Variants in HDAC4 observed in about 807,000 individuals in gnomAD.
HDAC4 encodes histone deacetylase A.
A neutral mutation model predicts 135.1 loss-of-function variants in HDAC4; 16 were observed. The observed-to-expected ratio is 0.12, with a 90% confidence interval of 0.08 to 0.18. The LOEUF is 0.18. HDAC4 is among the 10% of genes least tolerant of loss of function. The pLI is 1.00. For synonymous variants in HDAC4, 685 were observed against 653.4 expected (o/e 1.05, Z -0.74); for missense variants, 1,143 against 1,511.8 (o/e 0.76, Z 4.05).
At chr2:239,082,019 C>T in intron 21 of HDAC4, 83 bp downstream of exon 21, 1 of 1,474,736 alleles carries the variant, frequency 6.8e-7, no homozygotes, top group Non-Finnish European at 9.4e-7. Context: ...TGCCGGGCAG[C>T]TGTGGACCGT....
intron 4 of HDAC4, among the ~76,000 whole-genome samples, chr2:239,182,946 C>T (rs897887904): frequency 1.3e-5 from 2 of 152,126 alleles, no homozygotes; most frequent in South Asian, 2.1e-4. Context: ...ATTCAGGCTT[C>T]GAAAAACAGG....
intron 17 of HDAC4, 100 bp downstream of exon 17, chr2:239,094,910 C>A: frequency 6.2e-7 from 1 of 1,606,038 alleles, no homozygotes; most frequent in South Asian, 1.1e-5. Context: ...AAACACCTGG[C>A]AGCAATTATT....
At chr2:239,149,533 T>C (rs893866879) in intron 7 of HDAC4, among the ~76,000 whole-genome samples, 27 of 152,090 alleles carry the variant, frequency 1.8e-4, no homozygotes, top group Middle Eastern at 3.4e-3. Flanking sequence ...GAAGAACAGG[T>C]GAACGCACTG....
chr2:239,144,773 T>C lies in HDAC4; in HGVS notation c.734-59A>G, dbSNP rs2041640156. 7.5e-6 allele frequency: 12 copies of C among 1,590,930 alleles called. No homozygotes were observed. In the South Asian group the frequency reaches 1.3e-4, roughly 18 times the overall value. ...AGACACCACTGGCTCAAGGTTATCC[T>C]GTTGGTGGTTTTTTAAAAATACGCA... On this transcript the variant is annotated intron_variant, in intron 7 of 26. Coordinates refer to ENST00000543185, the MANE Select transcript of HDAC4 (RefSeq NM_001378414.1).
intron 2 of HDAC4, among the ~76,000 whole-genome samples, chr2:239,326,990 G>A (rs1370693986): frequency 3.5e-4 from 53 of 152,244 alleles, no homozygotes; most frequent in Admixed American, 3.5e-3. Flanking sequence ...GTGCAGGCAT[G>A]AGAGGCACAG....
At chr2:239,353,298 A>G (rs1188249906) in intron 1 of HDAC4, among the ~76,000 whole-genome samples, 14 of 152,198 alleles carry the variant, frequency 9.2e-5, no homozygotes, top group Admixed American at 9.2e-4. Flanking sequence ...TACAGGCTTG[A>G]GCCACCACGC....
intron 11 of HDAC4, among the ~76,000 whole-genome samples, chr2:239,127,710 C>T (rs988696778): frequency 4.6e-5 from 7 of 152,226 alleles, no homozygotes; most frequent in South Asian, 2.1e-4. Context: ...CTTTGGAACT[C>T]GGCATCCGCC....
intron 2 of HDAC4, among the ~76,000 whole-genome samples, chr2:239,253,124 C>T (rs1010355332): frequency 7.9e-5 from 12 of 152,210 alleles, no homozygotes; most frequent in Non-Finnish European, 1.6e-4. Flanking sequence ...ATTAGAGTCT[C>T]GGGAACAAAT....
chr2:239,134,517 G>A lies in HDAC4; in HGVS notation c.1095+10C>T, dbSNP rs11896634. 1 of 1,613,512 alleles carries A rather than the reference G, an allele frequency of 6.2e-7. No individual in the cohort carries two copies. Among genetic ancestry groups the A allele is most frequent in the East Asian group, 2.2e-5 (1 of 44,862 alleles). ...CCCCACACCACACGGACCCACGGGG[G>A]CTGACTTACCGCAGAGGGGCCGGTG... On this transcript the variant is annotated intron_variant, in intron 10 of 26. Coordinates refer to ENST00000543185, the MANE Select transcript of HDAC4 (RefSeq NM_001378414.1).
Position 239,298,331 on chromosome 2 carries a change from A to G in HDAC4, c.22+54347T>C. On this transcript the variant is annotated intron_variant, in intron 2 of 26. Coordinates refer to ENST00000543185, the MANE Select transcript of HDAC4 (RefSeq NM_001378414.1). ...GGGAGCCCCTGGGCATCACGTGGAG[A>G]TGAGAGAAGATGCTTCCAGAACCTG... is the stretch of plus-strand genomic sequence containing the variant. 8 of 1,216,456 alleles carry G rather than the reference A, an allele frequency of 6.6e-6. No individual in the cohort carries two copies. The South Asian group carries it at 1.2e-4, about 18-fold the overall frequency. The allele number at this position is 1,216,456 out of a possible 1,614,324, so 75.4% of individuals were successfully genotyped here.
intron 2 of HDAC4, among the ~76,000 whole-genome samples, chr2:239,281,260 C>T (rs2050720341): frequency 6.9e-6 from 1 of 144,198 alleles, no homozygotes; most frequent in Admixed American, 6.8e-5. Context: ...AATGTACACA[C>T]CACTCTACAC....
intron 2 of HDAC4, among the ~76,000 whole-genome samples, chr2:239,346,521 C>T (rs1233454604): frequency 1.3e-5 from 2 of 151,308 alleles, no homozygotes; most frequent in African/African-American, 2.4e-5. Flanking sequence ...CACACCCTAA[C>T]ACATACCACA....
rs144978306 is a variant in HDAC4, at chr2:239,270,967, T to C, written c.23-34303A>G. On this transcript the variant is annotated intron_variant, in intron 2 of 26. Coordinates refer to ENST00000543185, the MANE Select transcript of HDAC4 (RefSeq NM_001378414.1). ...TGCATTAATATTAAATATATCCTAA[T>C]TAGTTACAAATCTCTGAAAATACTT... Among the ~76,000 whole-genome samples the C allele has an allele frequency of 2.2e-3, 330 of 152,310 alleles. 2 individuals are homozygous for C. Among genetic ancestry groups the C allele is most frequent in the African/African-American group, 7.8e-3 (323 of 41,558 alleles).
intron 2 of HDAC4, among the ~76,000 whole-genome samples, chr2:239,333,069 TC>T: frequency 6.6e-6 from 1 of 152,272 alleles, no homozygotes; most frequent in South Asian, 2.1e-4. Flanking sequence ...TTACAAATCT[TC>T]CCACAAAGAA....
chr2:239,065,745 G>A (rs2033390260), intron 24 of HDAC4, among the ~76,000 whole-genome samples: 1 of 152,176 alleles, frequency 6.6e-6, no homozygotes, highest in Non-Finnish European at 1.5e-5. Context: ...GTGGTCAAGT[G>A]ATCTGGACAC....
At chr2:239,201,668 T>C (rs486396) in intron 3 of HDAC4, among the ~76,000 whole-genome samples, 131,330 of 152,196 alleles carry the variant, frequency 0.86, 56,872 homozygotes, top group South Asian at 0.97. Context: ...ACCTCCCTTC[T>C]CAACAGCACC....
chr2:239,094,774 C>A (rs2036845664), intron 17 of HDAC4: 3 of 1,386,348 alleles, frequency 2.2e-6, no homozygotes, highest in Middle Eastern at 4.7e-4. Context: ...AGAGCCACTG[C>A]ACCCCAGAGC....
At position 239,227,523 on chromosome 2, in the gene HDAC4, G is replaced by A. The variant is rs976991244; in HGVS notation, c.94+9070C>T. On this transcript the variant is annotated intron_variant, in intron 3 of 26. Coordinates refer to ENST00000543185, the MANE Select transcript of HDAC4 (RefSeq NM_001378414.1). ...CCCTCTGCTACAGATGGCAGATACCGTGCTCACCAGAAAGGCCAGGAAGAC... is the reference window on the plus strand; with the variant it reads ...CCCTCTGCTACAGATGGCAGATACCATGCTCACCAGAAAGGCCAGGAAGAC... 4.6e-5 allele frequency among the ~76,000 whole-genome samples: 7 copies of A among 152,292 alleles called. No homozygotes were observed. The East Asian group carries it at 5.8e-4, about 13-fold the overall frequency.
At chr2:239,187,340 G>A (rs1414891140) in intron 4 of HDAC4, among the ~76,000 whole-genome samples, 1 of 152,178 alleles carries the variant, frequency 6.6e-6, no homozygotes, top group Non-Finnish European at 1.5e-5. Context: ...AGGAGCTACG[G>A]TACTCATTTT....
Sources: allele counts gnomAD v4.1 joint callset (sites outside exome capture counted in the v4.1 genomes callset), GRCh38; gene constraint gnomAD v4.1.1; transcripts MANE v1.5; gene names NCBI Gene and HGNC (gene_info 2026-07-23, HGNC 2026-07-21).